The following KCNT2 variants were observed in gnomAD, a reference collection of about 807,000 sequenced individuals.
The protein encoded by KCNT2 is potassium channel subfamily T member 2.
KCNT2 carries 67 observed loss-of-function variants against 153.8 expected under a neutral mutation model. That is an observed-to-expected ratio of 0.44 (90% CI 0.36 to 0.53). KCNT2 has a LOEUF of 0.53. KCNT2 is among the 20% of genes least tolerant of loss of function. The pLI, the probability that KCNT2 is intolerant of heterozygous loss-of-function variation, is 0.00. For synonymous variants in KCNT2, 500 were observed against 458.8 expected (o/e 1.09, Z -1.15); for missense variants, 975 against 1,354.8 (o/e 0.72, Z 4.40).
chr1:196,290,560 ATAGGTGTATATATATATAT>A (rs1465583162), intron 22 of KCNT2, among the ~76,000 whole-genome samples: 1 of 151,530 alleles, frequency 6.6e-6, no homozygotes, highest in East Asian at 1.9e-4. Context: ...GTGTATATGT[ATAGGTGTATATATATATAT>A]ACACACACAC....
intron 14 of KCNT2, among the ~76,000 whole-genome samples, chr1:196,354,308 G>A (rs780689686): frequency 3.3e-5 from 5 of 151,520 alleles, no homozygotes; most frequent in Non-Finnish European, 7.4e-5. Flanking sequence ...AGTACATTTT[G>A]TTCTCTTTGA....
At chr1:196,567,576 T>C (rs182385366) in intron 1 of KCNT2, among the ~76,000 whole-genome samples, 86 of 152,324 alleles carry the variant, frequency 5.6e-4, no homozygotes, top group Admixed American at 4.9e-3. Flanking sequence ...TCTGGAAGAA[T>C]AGCTCTTACT....
chr1:196,544,756 T>C lies in KCNT2; in HGVS notation c.96-52415A>G, dbSNP rs1656852202. 2.0e-5 allele frequency among the ~76,000 whole-genome samples: 3 copies of C among 152,032 alleles called. 1 individual carries two copies. The South Asian group carries it at 6.2e-4, about 31-fold the overall frequency. Reference sequence around the variant, plus strand: ...TCCTAATTTGTTTTCAGACATAAAGTTCACTGGAAAAAGAATGCCCTGAGC... The same window carrying C: ...TCCTAATTTGTTTTCAGACATAAAGCTCACTGGAAAAAGAATGCCCTGAGC... On this transcript the variant is annotated intron_variant, in intron 1 of 27. Transcript: ENST00000294725.
chr1:196,533,525 A>G (rs1330171586), intron 1 of KCNT2, among the ~76,000 whole-genome samples: 1 of 152,076 alleles, frequency 6.6e-6, no homozygotes, highest in Non-Finnish European at 1.5e-5. Flanking sequence ...AAGTTCCTCA[A>G]TCTTCTGGAG....
intron 8 of KCNT2, among the ~76,000 whole-genome samples, chr1:196,447,512 A>T (rs1557946909): frequency 6.6e-6 from 1 of 151,560 alleles, no homozygotes; most frequent in Non-Finnish European, 1.5e-5. Context: ...GGTCAGAGAG[A>T]TAAGCATTAT....
intron 25 of KCNT2, among the ~76,000 whole-genome samples, chr1:196,262,613 CT>C (rs1175089942): frequency 1.3e-5 from 2 of 151,784 alleles, no homozygotes; most frequent in African/African-American, 4.8e-5. Flanking sequence ...TCTGAGTTCA[CT>C]GAAAGCTTAT....
chr1:196,286,241 T>C (rs1318626318), intron 22 of KCNT2, among the ~76,000 whole-genome samples: 1 of 152,030 alleles, frequency 6.6e-6, no homozygotes, highest in East Asian at 1.9e-4. Flanking sequence ...AAGGTAATAG[T>C]ATTAGGAAGT....
intron 8 of KCNT2, among the ~76,000 whole-genome samples, chr1:196,440,108 C>T (rs1675096046): frequency 6.6e-6 from 1 of 151,792 alleles, no homozygotes; most frequent in South Asian, 2.1e-4. Flanking sequence ...TTATCCTACC[C>T]CTGTCTACCC....
At chr1:196,330,601 GA>G (rs1271496757) in intron 18 of KCNT2, among the ~76,000 whole-genome samples, 1 of 151,806 alleles carries the variant, frequency 6.6e-6, no homozygotes, top group African/African-American at 2.4e-5. Context: ...GTTATATTGT[GA>G]AAAAAGATAA....
At chr1:196,382,554 T>C (rs976650862) in intron 13 of KCNT2, among the ~76,000 whole-genome samples, 1 of 151,774 alleles carries the variant, frequency 6.6e-6, no homozygotes, top group Non-Finnish European at 1.5e-5. Flanking sequence ...AATCTAAAGA[T>C]TAAGGAAGGA....
chr1:196,541,193 G>C (rs1451255311), intron 1 of KCNT2, among the ~76,000 whole-genome samples: 2 of 151,372 alleles, frequency 1.3e-5, no homozygotes, highest in Admixed American at 1.3e-4. Context: ...ATATCTCTTA[G>C]TTCCTAAGTA....
At chr1:196,245,490 A>G (rs1302087553) in intron 26 of KCNT2, among the ~76,000 whole-genome samples, 1 of 152,220 alleles carries the variant, frequency 6.6e-6, no homozygotes, top group Non-Finnish European at 1.5e-5. Context: ...CATCAAGACC[A>G]TCTTGGAAAC....
chr1:196,512,839 T>A (rs1681746519), intron 1 of KCNT2, among the ~76,000 whole-genome samples: 1 of 152,102 alleles, frequency 6.6e-6, no homozygotes, highest in Admixed American at 6.6e-5. Flanking sequence ...GTATTTCACA[T>A]CATTGAAAGT....
intron 22 of KCNT2, among the ~76,000 whole-genome samples, chr1:196,286,151 A>C (rs1659638034): frequency 6.6e-6 from 1 of 152,090 alleles, no homozygotes; most frequent in Non-Finnish European, 1.5e-5. Context: ...GGTGAGAACA[A>C]AAAAATAGGG....
chr1:196,248,565 T>C (rs1223873717), intron 26 of KCNT2, among the ~76,000 whole-genome samples: 1 of 152,090 alleles, frequency 6.6e-6, no homozygotes, highest in Non-Finnish European at 1.5e-5. Flanking sequence ...GATAAACTCC[T>C]AGACACACAA....
At chr1:196,334,326 A>T (rs532621578) in intron 16 of KCNT2, among the ~76,000 whole-genome samples, 75 of 151,878 alleles carry the variant, frequency 4.9e-4, no homozygotes, top group Non-Finnish European at 9.7e-4. Flanking sequence ...AGATTTGTAA[A>T]ATCCTGAAGT....
At chr1:196,568,269 A>C (rs920862838) in intron 1 of KCNT2, among the ~76,000 whole-genome samples, 7 of 152,090 alleles carry the variant, frequency 4.6e-5, no homozygotes, top group Non-Finnish European at 7.4e-5. Flanking sequence ...TTGTATGTGC[A>C]GTTCACATAG....
chr1:196,298,369 A>T (rs569725536), intron 22 of KCNT2, among the ~76,000 whole-genome samples: 7 of 152,204 alleles, frequency 4.6e-5, no homozygotes, highest in Non-Finnish European at 8.8e-5. Flanking sequence ...AAACCCTCAG[A>T]TTCAATAATT....
chr1:196,258,314 T>C lies in KCNT2; in HGVS notation c.3091A>G (p.Lys1031Glu). The C allele has an allele frequency of 1.2e-6, 2 of 1,614,078 alleles. No homozygotes were observed. The highest frequency in any genetic ancestry group is 2.2e-5 in the South Asian group (2 of 91,090). Reference protein sequence around the residue: ...LSRKGPKHSGKTAEKITQQRL... With the variant: ...LSRKGPKHSGETAEKITQQRL... ...TGCTGGGTTATTTTTTCAGCTGTTT[T>C]ACCAGAGTGTTTTGGGCCTTTTCTG... Residue 1031 changes from lysine (K) to glutamate (E), a missense_variant, in exon 26 of 28, where the codon AAA (lysine) becomes GAA (glutamate). This residue lies in a region of KCNT2 where 241 missense variants were observed against 271.1 expected (regional missense o/e 0.89). Transcript: ENST00000294725.
Sources: allele counts gnomAD v4.1 joint callset (sites outside exome capture counted in the v4.1 genomes callset), GRCh38; gene constraint gnomAD v4.1.1; regional missense constraint gnomAD v4.1.1; transcripts MANE v1.5; gene names NCBI Gene and HGNC (gene_info 2026-07-23, HGNC 2026-07-21).